The following MMP28 variants were observed in gnomAD, a reference collection of about 807,000 sequenced individuals.
The protein encoded by MMP28 is matrix metalloproteinase-28.
In MMP28, 55 loss-of-function variants were observed where a neutral mutation model predicts 60.5. The observed-to-expected ratio is 0.91, with a 90% CI of 0.73 to 1.14. MMP28 has a LOEUF of 1.14. Ranked by LOEUF, MMP28 falls within the 50% of genes most tolerant of loss-of-function variation. The pLI is 0.00. For missense variants in MMP28, 686 were observed against 738.3 expected (o/e 0.93, Z 0.82); for synonymous variants, 318 against 312.5 (o/e 1.02, Z -0.18).
chr17:35,764,870 TC>T, downstream of MMP28: 2 of 341,080 alleles, frequency 5.9e-6, no homozygotes, highest in South Asian at 5.6e-5. Context: ...CACCGAGGGC[TC>T]CCCGCCCCCA....
At chr17:35,776,028 C>T (rs1396808720) in intron 3 of MMP28, among the ~76,000 whole-genome samples, 1 of 152,074 alleles carries the variant, frequency 6.6e-6, no homozygotes, top group Non-Finnish European at 1.5e-5. Flanking sequence ...GCACCCCCCA[C>T]CACGCCTGGC....
In MMP28 at chr17:35,790,947, C is replaced by T. The variant is rs542334854; in HGVS notation, c.111+4320G>A. Among the ~76,000 whole-genome samples the T allele has an allele frequency of 6.6e-5, 10 of 150,792 alleles. No homozygotes were observed. The South Asian group carries it at 1.7e-3, about 26-fold the overall frequency. ...GTCTCTCTATGTTGCCCAGGCTGCT[C>T]TCAAACTCCTCGGCTCAAGCAATCC... On this transcript the variant is annotated intron_variant, in intron 1 of 7. Transcript: ENST00000605424.
At chr17:35,783,575 C>A (rs947511873) in intron 1 of MMP28, among the ~76,000 whole-genome samples, 1 of 152,198 alleles carries the variant, frequency 6.6e-6, no homozygotes, top group Admixed American at 6.5e-5. Flanking sequence ...GAGACCAGGT[C>A]ACAGGTCGGC....
At chr17:35,760,755 T>G in intron 2 of MMP28, 1 of 669,336 alleles carries the variant, frequency 1.5e-6, no homozygotes, top group Non-Finnish European at 2.6e-6. Context: ...TCTGAGTTGT[T>G]AGTGCTTTGG....
At position 35,766,364 on chromosome 17, in the gene MMP28, G is replaced by T. The variant is rs2085937633; in HGVS notation, c.*136C>A. Reference sequence around the variant, plus strand: ...ATTCTTCAAGGAACAAAGGCAGACAGACTTCCAGATGGAGGCTTTGCTGCC... The same window carrying T: ...ATTCTTCAAGGAACAAAGGCAGACATACTTCCAGATGGAGGCTTTGCTGCC... On this transcript the variant is annotated 3_prime_UTR_variant, in exon 8 of 8. Transcript: ENST00000605424. The surrounding 1 kb of genome is among the most constrained non-coding windows in gnomAD (Gnocchi z 4.3). The T allele has an allele frequency of 2.8e-6, 4 of 1,424,114 alleles. No homozygotes were observed. The highest frequency in any genetic ancestry group is 3.7e-6 in the Non-Finnish European group (4 of 1,091,898). 88.2% of individuals were successfully genotyped at this position (1,424,114 alleles called of 1,614,324 possible).
intron 6 of MMP28, 140 bp from the exon 7 acceptor site, chr17:35,768,059 G>A (rs1414614674): frequency 2.6e-5 from 34 of 1,287,424 alleles, no homozygotes; most frequent in Non-Finnish European, 3.5e-5. Flanking sequence ...AGGGGAAAGT[G>A]GGCAGGAAGA....
intron 1 of MMP28, among the ~76,000 whole-genome samples, chr17:35,793,513 G>A (rs1437986807): frequency 1.3e-5 from 2 of 152,164 alleles, no homozygotes; most frequent in East Asian, 3.9e-4. Flanking sequence ...CAGAGCAAGA[G>A]CCCAGTGCTA....
At chr17:35,772,727 T>C (rs1251520716) in intron 4 of MMP28, among the ~76,000 whole-genome samples, 1 of 152,192 alleles carries the variant, frequency 6.6e-6, no homozygotes. Flanking sequence ...TATGAAGCAC[T>C]TCCCTGTCAG....
intron 4 of MMP28, among the ~76,000 whole-genome samples, chr17:35,770,942 C>T (rs924560207): frequency 6.6e-6 from 1 of 152,116 alleles, no homozygotes; most frequent in Non-Finnish European, 1.5e-5. Flanking sequence ...GCCCCAGCTA[C>T]TTGGGAAGCT....
intron 1 of MMP28, among the ~76,000 whole-genome samples, chr17:35,788,049 G>T (rs921761295): frequency 6.6e-6 from 1 of 151,800 alleles, no homozygotes; most frequent in Non-Finnish European, 1.5e-5. Context: ...CGGACTACAG[G>T]CATGTGCCAT....
At chr17:35,785,247 G>C (rs989907236) in intron 1 of MMP28, among the ~76,000 whole-genome samples, 3 of 152,056 alleles carry the variant, frequency 2.0e-5, no homozygotes, top group Non-Finnish European at 4.4e-5. Context: ...CCATTTCTGC[G>C]CAGGGCAGGA....
In MMP28 at chr17:35,770,714, ATGTGTGTG is replaced by A. The variant is rs56074641; in HGVS notation, c.605-410_605-403del. Among the ~76,000 whole-genome samples, 954 of 147,648 alleles carry A rather than the reference ATGTGTGTG, an allele frequency of 6.5e-3. 13 individuals carry two copies. Among genetic ancestry groups the A allele is most frequent in the African/African-American group, 0.022 (878 of 40,138 alleles). ...CTCACAGAGTTGTTCTGAATAATAA[ATGTGTGTG>A]TGTGTGTGTGTGTGTGTGTGTGTAC... is the stretch of plus-strand genomic sequence containing the variant. On this transcript the variant is annotated intron_variant, in intron 4 of 7. Coordinates refer to ENST00000605424, the MANE Select transcript of MMP28 (RefSeq NM_024302.5).
At chr17:35,785,659 G>T (rs112779197) in intron 1 of MMP28, among the ~76,000 whole-genome samples, 10,696 of 152,130 alleles carry the variant, frequency 0.07, 506 homozygotes, top group South Asian at 0.17. Flanking sequence ...GTTTCAGGCA[G>T]CATGGTCTCG....
At chr17:35,760,919 A>T (rs1555601377), downstream of MMP28, 2 of 1,613,720 alleles carry the variant, frequency 1.2e-6, no homozygotes, top group Non-Finnish European at 8.5e-7. Context: ...GATCAGGGAA[A>T]GCAGGGCACA....
At chr17:35,764,615 C>T, downstream of MMP28, 1 of 1,579,198 alleles carries the variant, frequency 6.3e-7, no homozygotes, top group South Asian at 1.2e-5. Context: ...CTGGGAACTC[C>T]TGAGCGCCCC....
downstream of MMP28, chr17:35,764,394 C>T (rs1555602272): frequency 8.7e-6 from 13 of 1,502,446 alleles, no homozygotes; most frequent in East Asian, 7.8e-5. Flanking sequence ...AGGGGCTGCC[C>T]CAGGCACTGA....
chr17:35,773,881 C>T (rs1412274291), intron 3 of MMP28, among the ~76,000 whole-genome samples: 5 of 152,186 alleles, frequency 3.3e-5, no homozygotes, highest in Non-Finnish European at 7.4e-5. Context: ...CCCTGCCCCC[C>T]ACCATCTCTC....
Position 35,778,895 on chromosome 17 carries a change from T to A in MMP28, c.372A>T (p.Ala124=). Residue 124 remains alanine (A), a synonymous_variant, in exon 3 of 8, where the codon GCA becomes GCT. Transcript: ENST00000605424. ...GATTTTAACAGTGCTCACCTTGCTT[T>A]GCAAAGCGTTTCTTACGCCTCATTT... ...RTKMRRKKRF[A]KQGNKWYKQH... The A allele has an allele frequency of 3.1e-6, 5 of 1,614,080 alleles. No homozygotes were observed. Among genetic ancestry groups the A allele is most frequent in the Non-Finnish European group, 2.5e-6 (3 of 1,179,902 alleles).
At chr17:35,795,226 C>A in intron 1 of MMP28, 41 bp downstream of exon 1, 1 of 1,327,500 alleles carries the variant, frequency 7.5e-7, no homozygotes. Flanking sequence ...TGACAGGTCT[C>A]AAGCACACGC....
Sources: allele counts gnomAD v4.1 joint callset (sites outside exome capture counted in the v4.1 genomes callset), GRCh38; gene constraint gnomAD v4.1.1; non-coding constraint Gnocchi (gnomAD v3.1); transcripts MANE v1.5; gene names NCBI Gene and HGNC (gene_info 2026-07-23, HGNC 2026-07-21).